The following TBC1D5 variants were observed in gnomAD, a reference collection of about 807,000 sequenced individuals.
The protein encoded by TBC1D5 is TBC1 domain family, member 5.
TBC1D5 carries 75 observed loss-of-function variants against 100.3 expected under a neutral mutation model. The ratio of observed to expected loss-of-function variants is 0.75; its 90% CI spans 0.62 to 0.91. The LOEUF (loss-of-function observed/expected upper bound fraction) is 0.91. Among genes scored for constraint, TBC1D5 ranks in the 40% least tolerant of loss-of-function variants. The pLI is 0.00. For synonymous variants in TBC1D5, 323 were observed against 325.6 expected (o/e 0.99, Z 0.09); for missense variants, 910 against 942.4 (o/e 0.97, Z 0.45).
intron 13 of TBC1D5, among the ~76,000 whole-genome samples, chr3:17,358,785 A>G (rs2091452365): frequency 1.3e-5 from 2 of 152,150 alleles, no homozygotes; most frequent in African/African-American, 4.8e-5. Flanking sequence ...GAGTATTTTT[A>G]AACTTGAGAT....
rs115804842 is a variant in TBC1D5, at chr3:17,381,620, G to A, written c.612+2293C>T. ...TTTACAGTTTAAGCCATTTTAAACG[G>A]GGTCTTCTGCTATTTGCTCCCAAAA... On this transcript the variant is annotated intron_variant, in intron 9 of 21. Transcript: ENST00000253692. 4.7e-3 allele frequency among the ~76,000 whole-genome samples: 710 copies of A among 152,112 alleles called. 1 individual carries two copies. Among genetic ancestry groups the A allele is most frequent in the African/African-American group, 0.016 (671 of 41,546 alleles).
chr3:17,575,277 T>G lies in TBC1D5; in HGVS notation c.-36+48572A>C, dbSNP rs1431620747. 4.0e-5 allele frequency: 6 copies of G among 151,006 alleles called. No individual in the cohort carries two copies. The East Asian group carries it at 1.2e-3, about 30-fold the overall frequency. 9.4% of individuals were successfully genotyped at this position (151,006 alleles called of 1,614,324 possible). A position where few individuals can be genotyped will look rare whatever the true frequency, so the allele number is the denominator to read the frequency against. On this transcript the variant is annotated intron_variant, in intron 2 of 21. Transcript: ENST00000253692. The stretch of plus-strand genomic sequence containing the variant: ...GCTGCAGTGAGCCTTAATCACACCA[T>G]GCACTCCAGTCTTGGCGACAGAGTG...
At chr3:17,488,776 T>A (rs887751197) in intron 3 of TBC1D5, among the ~76,000 whole-genome samples, 1 of 152,044 alleles carries the variant, frequency 6.6e-6, no homozygotes, top group Non-Finnish European at 1.5e-5. Context: ...TATGTATATC[T>A]GGTCTGTGGC....
At chr3:17,565,480 T>C (rs911153885) in intron 2 of TBC1D5, among the ~76,000 whole-genome samples, 3 of 152,104 alleles carry the variant, frequency 2.0e-5, no homozygotes, top group Non-Finnish European at 2.9e-5. Context: ...TGGCTGGCTA[T>C]TGAAATAAAA....
At chr3:17,181,551 G>C (rs2068455240) in intron 19 of TBC1D5, among the ~76,000 whole-genome samples, 1 of 152,192 alleles carries the variant, frequency 6.6e-6, no homozygotes, top group African/African-American at 2.4e-5. Flanking sequence ...TGAGTTAAGG[G>C]ACAGGGCCTG....
At chr3:17,167,026 A>C in intron 20 of TBC1D5, 98 bp from the exon 22 acceptor site, 1 of 1,149,704 alleles carries the variant, frequency 8.7e-7, no homozygotes, top group Non-Finnish European at 1.2e-6. Context: ...CCTTGTCATC[A>C]ATCATTTTTT....
At chr3:17,539,525 T>C (rs2096326251) in intron 2 of TBC1D5, among the ~76,000 whole-genome samples, 2 of 150,424 alleles carry the variant, frequency 1.3e-5, no homozygotes, top group Admixed American at 1.3e-4. Context: ...CTATCTGTCA[T>C]GTGATGCTTT....
At chr3:17,594,198 G>A (rs905471904) in intron 2 of TBC1D5, among the ~76,000 whole-genome samples, 8 of 152,206 alleles carry the variant, frequency 5.3e-5, no homozygotes, top group African/African-American at 1.9e-4. Context: ...GTTGGCTGGG[G>A]TGAATGACCT....
intron 15 of TBC1D5, among the ~76,000 whole-genome samples, chr3:17,275,587 C>G (rs1263731200): frequency 6.6e-6 from 1 of 152,084 alleles, no homozygotes; most frequent in Non-Finnish European, 1.5e-5. Context: ...TAGGTGGTTT[C>G]CAGGTTAGCA....
chr3:17,370,237 A>G (rs2092385853), intron 13 of TBC1D5, among the ~76,000 whole-genome samples: 1 of 152,210 alleles, frequency 6.6e-6, no homozygotes, highest in African/African-American at 2.4e-5. Context: ...AAGAAGGCAA[A>G]AAATTATAAA....
chr3:17,535,468 T>C (rs969383409), intron 2 of TBC1D5, among the ~76,000 whole-genome samples: 1 of 152,178 alleles, frequency 6.6e-6, no homozygotes, highest in Non-Finnish European at 1.5e-5. Flanking sequence ...TCTTGTGCCT[T>C]GTACCTTATG....
chr3:17,555,466 TG>T (rs2096510283), intron 2 of TBC1D5, among the ~76,000 whole-genome samples: 1 of 152,214 alleles, frequency 6.6e-6, no homozygotes, highest in Admixed American at 6.5e-5. Context: ...ATTTTCTGGT[TG>T]GCAATTAGCT....
chr3:17,685,312 C>T (rs1001911809), intron 1 of TBC1D5, among the ~76,000 whole-genome samples: 14 of 151,604 alleles, frequency 9.2e-5, no homozygotes, highest in African/African-American at 1.2e-4. Context: ...AACAATGCAG[C>T]GTCTAAAAGC....
intron 3 of TBC1D5, chr3:17,465,321 C>A: frequency 5.6e-6 from 1 of 178,326 alleles, no homozygotes; most frequent in Non-Finnish European, 1.3e-5. Context: ...CAGAACTGTG[C>A]ACTGATAGCA....
At chr3:17,444,638 C>T (rs1394119702) in intron 3 of TBC1D5, among the ~76,000 whole-genome samples, 1 of 151,854 alleles carries the variant, frequency 6.6e-6, no homozygotes, top group African/African-American at 2.4e-5. Flanking sequence ...AACAAAACCA[C>T]AAAACAAATA....
chr3:17,539,870 A>C (rs2096331161), intron 2 of TBC1D5, among the ~76,000 whole-genome samples: 1 of 152,196 alleles, frequency 6.6e-6, no homozygotes, highest in Non-Finnish European at 1.5e-5. Context: ...AAGTGGCATC[A>C]CTACATCATA....
At chr3:17,629,325 A>T (rs1250682978) in intron 1 of TBC1D5, among the ~76,000 whole-genome samples, 1 of 152,248 alleles carries the variant, frequency 6.6e-6, no homozygotes, top group Non-Finnish European at 1.5e-5. Context: ...GTATAATCTA[A>T]TAAAAAATTT....
intron 3 of TBC1D5, among the ~76,000 whole-genome samples, chr3:17,464,531 C>T (rs1355940308): frequency 6.6e-6 from 1 of 152,074 alleles, no homozygotes; most frequent in Admixed American, 6.6e-5. Flanking sequence ...TTGATTCCTT[C>T]GTGTTTCAAC....
chr3:17,666,091 G>A (rs550175054), intron 1 of TBC1D5, among the ~76,000 whole-genome samples: 1 of 152,246 alleles, frequency 6.6e-6, no homozygotes, highest in East Asian at 1.9e-4. Context: ...TGTCTTCTAA[G>A]TTCATCTCTT....
Sources: allele counts gnomAD v4.1 joint callset (sites outside exome capture counted in the v4.1 genomes callset), GRCh38; gene constraint gnomAD v4.1.1; transcripts MANE v1.5; gene names NCBI Gene and HGNC (gene_info 2026-07-23, HGNC 2026-07-21).